The following GALNT13 variants were observed in gnomAD, a reference collection of about 807,000 sequenced individuals.
GALNT13 encodes polypeptide N-acetylgalactosaminyltransferase 13.
GALNT13 carries 28 observed loss-of-function variants against 64.2 expected under a neutral mutation model. That is an observed-to-expected ratio of 0.44 (90% confidence interval 0.32 to 0.60). GALNT13 has a LOEUF of 0.60. Ranked by LOEUF, GALNT13 falls within the 20% of genes least tolerant of loss-of-function variation. The pLI, the probability that GALNT13 is intolerant of heterozygous loss-of-function variation, is 0.05. For synonymous variants in GALNT13, 214 were observed against 224.6 expected (o/e 0.95, Z 0.42); for missense variants, 577 against 669.8 (o/e 0.86, Z 1.53).
chr2:154,338,642 A>G (rs1559098886), intron 9 of GALNT13, among the ~76,000 whole-genome samples: 1 of 152,126 alleles, frequency 6.6e-6, no homozygotes, highest in Non-Finnish European at 1.5e-5. Flanking sequence ...TGTGGTTTCC[A>G]TGAGAAGAAA....
At position 154,269,906 on chromosome 2, in the gene GALNT13, G is replaced by GTGTATATATATATA. The variant is rs529424469; in HGVS notation, c.975+10769_975+10770insGTATATATATATAT. ...GTCATATATATATTTATATATATGT[G>GTGTATATATATATA]TATATATATATATATATATTTCTAA... On this transcript the variant is annotated intron_variant, in intron 8 of 12. Coordinates refer to ENST00000392825, the MANE Select transcript of GALNT13 (RefSeq NM_052917.4). Among the ~76,000 whole-genome samples, 33 of 96,850 alleles carry GTGTATATATATATA rather than the reference G, an allele frequency of 3.4e-4. 1 individual carries two copies. Among genetic ancestry groups the GTGTATATATATATA allele is most frequent in the Admixed American group, 5.1e-4 (4 of 7,868 alleles). The allele number at this position is 96,850 out of a possible 152,430, so 63.5% of individuals were successfully genotyped here. A position where few individuals can be genotyped will look rare whatever the true frequency, so the allele number is the denominator to read the frequency against.
the GALNT13 span, among the ~76,000 whole-genome samples, chr2:153,725,457 T>TAAA: frequency 1.4e-5 from 2 of 145,820 alleles, no homozygotes; most frequent in African/African-American, 5.1e-5. Flanking sequence ...AAAGTATAAT[T>TAAA]AAAAAAAAAT....
At chr2:154,289,530 A>G (rs1398259308) in intron 8 of GALNT13, among the ~76,000 whole-genome samples, 1 of 151,988 alleles carries the variant, frequency 6.6e-6, no homozygotes, top group Non-Finnish European at 1.5e-5. Flanking sequence ...TTATAAAACC[A>G]TCAGATCTCA....
At chr2:153,403,495 G>A in the GALNT13 span, among the ~76,000 whole-genome samples, 1 of 152,212 alleles carries the variant, frequency 6.6e-6, no homozygotes, top group Non-Finnish European at 1.5e-5. Context: ...ACCTAATCAA[G>A]CCTGGGCAAA....
chr2:154,082,995 G>T (rs1028211865), intron 3 of GALNT13, among the ~76,000 whole-genome samples: 1 of 151,958 alleles, frequency 6.6e-6, no homozygotes, highest in Non-Finnish European at 1.5e-5. Context: ...ACATGCCTTT[G>T]TCCGGAATGG....
At chr2:153,845,538 C>T in the GALNT13 span, among the ~76,000 whole-genome samples, 1 of 152,170 alleles carries the variant, frequency 6.6e-6, no homozygotes, top group African/African-American at 2.4e-5. Context: ...TCCCCATGAT[C>T]CAAACACCTC....
At chr2:154,068,364 A>G (rs1421045495) in intron 3 of GALNT13, among the ~76,000 whole-genome samples, 1 of 151,974 alleles carries the variant, frequency 6.6e-6, no homozygotes, top group East Asian at 1.9e-4. Flanking sequence ...ACTTCTAGGT[A>G]TATACCCAGA....
At chr2:154,119,557 T>C (rs1681811288) in intron 3 of GALNT13, among the ~76,000 whole-genome samples, 1 of 152,158 alleles carries the variant, frequency 6.6e-6, no homozygotes, top group Admixed American at 6.5e-5. Flanking sequence ...ACTCTTATTA[T>C]GCAAAGACTT....
the GALNT13 span, among the ~76,000 whole-genome samples, chr2:153,719,603 C>T: frequency 9.5e-4 from 144 of 152,228 alleles, 1 homozygote; most frequent in African/African-American, 3.2e-3. Flanking sequence ...AGTGGGTGCG[C>T]GCACCGTGCA....
chr2:154,135,891 AC>A (rs1160245068), intron 3 of GALNT13, among the ~76,000 whole-genome samples: 5 of 152,182 alleles, frequency 3.3e-5, no homozygotes, highest in African/African-American at 1.2e-4. Flanking sequence ...GAGCCTTTGG[AC>A]TGGCAAAAGA....
chr2:154,072,515 ATCAATGTAACCC>A (rs1289953232), intron 3 of GALNT13, among the ~76,000 whole-genome samples: 1 of 152,078 alleles, frequency 6.6e-6, no homozygotes, highest in African/African-American at 2.4e-5. Flanking sequence ...GGCTCAAAAC[ATCAATGTAACCC>A]TCTAGCTCAT....
At chr2:154,193,821 T>C (rs1189759740) in intron 4 of GALNT13, among the ~76,000 whole-genome samples, 6 of 152,198 alleles carry the variant, frequency 3.9e-5, no homozygotes, top group African/African-American at 1.2e-4. Flanking sequence ...GAAAATTACC[T>C]AGCCTCCCTA....
chr2:153,862,562 T>G, the GALNT13 span, among the ~76,000 whole-genome samples: 1 of 152,134 alleles, frequency 6.6e-6, no homozygotes, highest in Non-Finnish European at 1.5e-5. Context: ...CCCTAATATT[T>G]CTTTCCTAAC....
chr2:153,996,065 C>G (rs78278860), intron 3 of GALNT13, among the ~76,000 whole-genome samples: 2 of 152,118 alleles, frequency 1.3e-5, no homozygotes, highest in African/African-American at 4.8e-5. Flanking sequence ...TTTTCTTTAT[C>G]CATTCATTGG....
the GALNT13 span, among the ~76,000 whole-genome samples, chr2:153,377,579 G>A: frequency 6.6e-6 from 1 of 152,060 alleles, no homozygotes; most frequent in Non-Finnish European, 1.5e-5. Context: ...TGTGATCCCT[G>A]CACACCTCGG....
chr2:153,190,188 GTT>G, the GALNT13 span, among the ~76,000 whole-genome samples: 1 of 151,978 alleles, frequency 6.6e-6, no homozygotes, highest in East Asian at 1.9e-4. Flanking sequence ...GTCCTATAGT[GTT>G]TCCCGTGTGT....
intron 3 of GALNT13, among the ~76,000 whole-genome samples, chr2:154,066,530 C>A (rs1700472661): frequency 6.6e-6 from 1 of 151,936 alleles, no homozygotes; most frequent in Non-Finnish European, 1.5e-5. Flanking sequence ...AGTCTGGCAG[C>A]AGACTTTTCA....
At chr2:154,137,594 A>C (rs906773393) in intron 3 of GALNT13, among the ~76,000 whole-genome samples, 4 of 152,156 alleles carry the variant, frequency 2.6e-5, no homozygotes, top group East Asian at 1.9e-4. Flanking sequence ...TAACTTACAT[A>C]ATGTGAAAAT....
At chr2:153,680,095 C>T in the GALNT13 span, among the ~76,000 whole-genome samples, 19 of 151,834 alleles carry the variant, frequency 1.3e-4, no homozygotes, top group African/African-American at 4.6e-4. Flanking sequence ...CATGCTTCAT[C>T]TTCCGTTAAG....
Sources: gnomAD v4.1 joint callset for allele counts (sites outside exome capture counted in the v4.1 genomes callset) on GRCh38, gnomAD v4.1.1 for gene constraint, MANE v1.5 for transcripts, NCBI Gene and HGNC (gene_info 2026-07-23, HGNC 2026-07-21) for gene names.